The following PCDHA13 variants were observed in gnomAD, a reference collection of about 807,000 sequenced individuals.
The protein encoded by PCDHA13 is protocadherin alpha-13.
In PCDHA13, 54 loss-of-function variants were observed where a neutral mutation model predicts 64.8. That is an observed-to-expected ratio of 0.83 (90% confidence interval 0.67 to 1.04). The LOEUF (loss-of-function observed/expected upper bound fraction) is 1.04, where lower values mean the gene tolerates loss of function less well. Among genes scored for constraint, PCDHA13 ranks in the 50% least tolerant of loss-of-function variants. The pLI is 0.00. For missense variants in PCDHA13, 1,248 were observed against 1,254.3 expected (o/e 0.99, Z 0.08); for synonymous variants, 587 against 564.4 (o/e 1.04, Z -0.57).
At chr5:140,971,689 T>C (rs149234216) in intron 1 of PCDHA13, among the ~76,000 whole-genome samples, 1 of 152,306 alleles carries the variant, frequency 6.6e-6, no homozygotes, top group East Asian at 1.9e-4. Context: ...GAATTTGTAC[T>C]CACTAACCAC....
At chr5:140,993,450 CTTCT>C (rs1279887965) in intron 3 of PCDHA13, among the ~76,000 whole-genome samples, 2 of 137,074 alleles carry the variant, frequency 1.5e-5, no homozygotes, top group South Asian at 2.5e-4. Flanking sequence ...TCCTGTTCTC[CTTCT>C]TTCTTTCTCA....
At chr5:140,924,464 G>A (rs1358240470) in intron 1 of PCDHA13, among the ~76,000 whole-genome samples, 1 of 152,196 alleles carries the variant, frequency 6.6e-6, no homozygotes, top group Non-Finnish European at 1.5e-5. Flanking sequence ...TGTTTAGGGA[G>A]GTAACTGGTT....
At chr5:140,891,218 A>G (rs1554184722) in intron 1 of PCDHA13, among the ~76,000 whole-genome samples, 1 of 152,044 alleles carries the variant, frequency 6.6e-6, no homozygotes, top group African/African-American at 2.4e-5. Flanking sequence ...CTGTGTCTTT[A>G]TAATCATCCT....
intron 1 of PCDHA13, among the ~76,000 whole-genome samples, chr5:140,977,103 G>A (rs1159604551): frequency 6.6e-6 from 1 of 152,230 alleles, no homozygotes; most frequent in Non-Finnish European, 1.5e-5. Context: ...TTGGGGAAGT[G>A]AGATTGTATA....
chr5:140,974,680 T>C (rs2096636478), intron 1 of PCDHA13, among the ~76,000 whole-genome samples: 1 of 152,074 alleles, frequency 6.6e-6, no homozygotes, highest in African/African-American at 2.4e-5. Flanking sequence ...CCTGGCTAAT[T>C]TTGTATTTTT....
chr5:140,920,060 G>T (rs565038135), intron 1 of PCDHA13, among the ~76,000 whole-genome samples: 1 of 152,264 alleles, frequency 6.6e-6, no homozygotes, highest in African/African-American at 2.4e-5. Context: ...CCAACACCTG[G>T]AAAAGGCAGA....
At chr5:140,969,149 G>A (rs782510891) in intron 1 of PCDHA13, 89 of 1,614,002 alleles carry the variant, frequency 5.5e-5, no homozygotes, top group Non-Finnish European at 6.8e-5. Context: ...CTGCTACAAG[G>A]CCTGTCTGAC....
chr5:140,929,033 G>A (rs2085746479), intron 1 of PCDHA13: 1 of 1,614,186 alleles, frequency 6.2e-7, no homozygotes, highest in Non-Finnish European at 8.5e-7. Flanking sequence ...CCAGGCTGTT[G>A]CGCTCAGAGC....
chr5:140,929,870 A>T (rs1056539262), intron 1 of PCDHA13: 1 of 153,262 alleles, frequency 6.5e-6, no homozygotes, highest in Admixed American at 6.5e-5. Flanking sequence ...AGGCTTTGTG[A>T]TAGAGATCAC....
chr5:140,996,172 C>G (rs1694773459), intron 3 of PCDHA13, among the ~76,000 whole-genome samples: 1 of 152,210 alleles, frequency 6.6e-6, no homozygotes, highest in African/African-American at 2.4e-5. Flanking sequence ...AATGTGCTGA[C>G]AGCACCTCCA....
intron 1 of PCDHA13, among the ~76,000 whole-genome samples, chr5:140,891,988 A>T (rs1213568167): frequency 6.6e-6 from 1 of 152,216 alleles, no homozygotes. Flanking sequence ...TAAATTACTC[A>T]GTCTGTGGCA....
intron 1 of PCDHA13, among the ~76,000 whole-genome samples, chr5:140,955,670 T>C (rs1212129993): frequency 6.6e-6 from 1 of 152,140 alleles, no homozygotes; most frequent in East Asian, 1.9e-4. Flanking sequence ...TTTAACATAG[T>C]TTTTTCGAAA....
chr5:140,967,278 G>T, intron 1 of PCDHA13: 1 of 1,613,408 alleles, frequency 6.2e-7, no homozygotes, highest in Non-Finnish European at 8.5e-7. Context: ...CACATAGAGA[G>T]TGCGCAGGAC....
intron 1 of PCDHA13, among the ~76,000 whole-genome samples, chr5:140,950,372 C>G (rs1369892292): frequency 1.3e-5 from 2 of 151,918 alleles, no homozygotes; most frequent in African/African-American, 4.8e-5. Context: ...ATCTATTTAT[C>G]TTCCATTTGA....
At chr5:140,967,754 T>G (rs782221420) in intron 1 of PCDHA13, 16 of 1,614,164 alleles carry the variant, frequency 9.9e-6, no homozygotes, top group South Asian at 7.7e-5. Flanking sequence ...GGAAGCCTCC[T>G]CCTACCAGAT....
At chr5:140,946,588 A>G (rs2093966025) in intron 1 of PCDHA13, among the ~76,000 whole-genome samples, 1 of 147,134 alleles carries the variant, frequency 6.8e-6, no homozygotes, top group South Asian at 2.1e-4. Context: ...TTCATAGTGG[A>G]TGAATAGATA....
At chr5:141,000,558 G>A (rs1462892656) in intron 3 of PCDHA13, among the ~76,000 whole-genome samples, 1 of 149,136 alleles carries the variant, frequency 6.7e-6, no homozygotes, top group Admixed American at 6.8e-5. Flanking sequence ...CTCCCGAGTA[G>A]CTGGGATTAC....
intron 1 of PCDHA13, among the ~76,000 whole-genome samples, chr5:140,898,932 A>G (rs1330684874): frequency 6.6e-6 from 1 of 151,964 alleles, no homozygotes; most frequent in Admixed American, 6.6e-5. Flanking sequence ...ATTCCTAAGT[A>G]TTTTATTCTC....
At chr5:140,999,159 G>A (rs1056236953) in intron 3 of PCDHA13, among the ~76,000 whole-genome samples, 2 of 152,182 alleles carry the variant, frequency 1.3e-5, no homozygotes, top group African/African-American at 2.4e-5. Flanking sequence ...CAGTCCCCTA[G>A]AAGGAAAAGA....
Sources: gnomAD v4.1 joint callset for allele counts (sites outside exome capture counted in the v4.1 genomes callset) on GRCh38, gnomAD v4.1.1 for gene constraint, MANE v1.5 for transcripts, NCBI Gene and HGNC (gene_info 2026-07-23, HGNC 2026-07-21) for gene names.